Variants in BCAS3 observed in about 807,000 individuals in gnomAD.
BCAS3 encodes the protein BCAS3 microtubule associated cell migration factor.
Under a neutral mutation model 116.1 loss-of-function variants are expected in BCAS3, and 53 were observed. That is an observed-to-expected ratio of 0.46 (90% confidence interval 0.37 to 0.57). The LOEUF is 0.57. Among genes scored for constraint, BCAS3 ranks in the 20% least tolerant of loss-of-function variants. BCAS3 has a pLI of 0.00. For missense variants in BCAS3, 917 were observed against 1,165.4 expected (o/e 0.79, Z 3.10); for synonymous variants, 391 against 408.2 (o/e 0.96, Z 0.51).
chr17:61,182,024 C>T (rs1177210493), intron 22 of BCAS3, among the ~76,000 whole-genome samples: 1 of 151,978 alleles, frequency 6.6e-6, no homozygotes, highest in African/African-American at 2.4e-5. Context: ...CAGGTGTGCA[C>T]CACTACACCT....
chr17:61,199,154 C>T lies in BCAS3; in HGVS notation c.2425+114590C>T, dbSNP rs1568559747. ...TTCCAATCCTTAATACATTTGTGGT[C>T]TTACTGGGATATGCCAGGAAGAAAT... On this transcript the variant is annotated intron_variant, in intron 22 of 23. Transcript: ENST00000407086. The surrounding 1 kb of genome is among the most constrained non-coding windows in gnomAD (Gnocchi z 4.6). 2.0e-5 allele frequency among the ~76,000 whole-genome samples: 3 copies of T among 152,150 alleles called. No individual in the cohort carries two copies. The highest frequency in any genetic ancestry group is 4.1e-4 in the South Asian group (2 of 4,824).
At chr17:61,329,098 G>T (rs2055992499) in intron 22 of BCAS3, among the ~76,000 whole-genome samples, 1 of 151,242 alleles carries the variant, frequency 6.6e-6, no homozygotes, top group African/African-American at 2.4e-5. Context: ...GTTTCACCAT[G>T]TTGGCCAGGC....
In BCAS3 at chr17:61,368,421, G is replaced by A. The variant is rs2058855293; in HGVS notation, c.2520G>A (p.Glu840=). Residue 840 remains glutamate, a synonymous_variant, in exon 23 of 24, where the codon GAG becomes GAA. Coordinates refer to ENST00000407086, the MANE Select transcript of BCAS3 (RefSeq NM_017679.5). This position sits in a 1 kb window ranked among gnomAD's most constrained non-coding sequence, Gnocchi z 6.0. ...LRHMSSMEHT[E]EGLRERLADA... is the part of the protein sequence containing the mutation. ...ACATGTCCTCCATGGAGCACACGGA[G>A]GAGGGCCTCCGGGAGCGACTTGCCG... 1 of 1,612,952 alleles carries A rather than the reference G, an allele frequency of 6.2e-7. No individual in the cohort carries two copies.
chr17:60,977,608 C>T (rs1209652735), intron 14 of BCAS3, among the ~76,000 whole-genome samples: 7 of 151,556 alleles, frequency 4.6e-5, no homozygotes, highest in Non-Finnish European at 7.4e-5. Context: ...CCCACTAACT[C>T]GTCATCTAGC....
At position 61,380,854 on chromosome 17, in the gene BCAS3, G is replaced by C. The variant is rs1292290765; in HGVS notation, c.2594-11123G>C. On this transcript the variant is annotated intron_variant, in intron 23 of 23. Coordinates refer to ENST00000407086, the MANE Select transcript of BCAS3 (RefSeq NM_017679.5). The surrounding 1 kb of genome is among the most constrained non-coding windows in gnomAD (Gnocchi z 4.2). ...CGGACTCTGCTGTGCAGAGCAGGGAGGTCACTAGGCTCTAATGCATTTACC... is the reference window on the plus strand; with the variant it reads ...CGGACTCTGCTGTGCAGAGCAGGGACGTCACTAGGCTCTAATGCATTTACC... Among the ~76,000 whole-genome samples the C allele has an allele frequency of 6.6e-6, 1 of 152,234 alleles. No individual in the cohort carries two copies. Among genetic ancestry groups the C allele is most frequent in the Admixed American group, 6.5e-5 (1 of 15,286 alleles).
intron 23 of BCAS3, among the ~76,000 whole-genome samples, chr17:61,385,426 C>G (rs2059798151): frequency 6.6e-6 from 1 of 152,232 alleles, no homozygotes; most frequent in Admixed American, 6.5e-5. Flanking sequence ...GGGGCAGACC[C>G]CATATGGTTC....
Position 61,224,861 on chromosome 17 carries a change from CCA to C in BCAS3, c.2425+140300_2425+140301del. Among the ~76,000 whole-genome samples the C allele has an allele frequency of 6.6e-6, 1 of 152,330 alleles. No individual in the cohort carries two copies. The highest frequency in any genetic ancestry group is 1.9e-4 in the East Asian group (1 of 5,186). ...TAGCCATATTTCAAGTGCTCAGTAG[CCA>C]CATGTTGCTAGTGGCTACCATATTG... On this transcript the variant is annotated intron_variant, in intron 22 of 23. Transcript: ENST00000407086. This position sits in a 1 kb window ranked among gnomAD's most constrained non-coding sequence, Gnocchi z 5.7.
chr17:60,836,768 G>A (rs928358090), intron 7 of BCAS3, among the ~76,000 whole-genome samples: 1 of 152,088 alleles, frequency 6.6e-6, no homozygotes, highest in Non-Finnish European at 1.5e-5. Flanking sequence ...TTTGAGGCAA[G>A]CAGAAAAAGT....
chr17:61,113,598 A>C (rs1273579316), intron 22 of BCAS3, among the ~76,000 whole-genome samples: 1 of 7,386 alleles, frequency 1.4e-4, no homozygotes, highest in African/African-American at 1.4e-4. Flanking sequence ...AATAATCAAT[A>C]GTTTACCAAC....
At chr17:61,272,588 G>A (rs550306587) in intron 22 of BCAS3, among the ~76,000 whole-genome samples, 34 of 138,626 alleles carry the variant, frequency 2.5e-4, no homozygotes, top group African/African-American at 7.1e-4. Flanking sequence ...GCAGTGAGCC[G>A]GGAGTGCACC....
chr17:60,829,509 G>A (rs962463479), intron 7 of BCAS3, among the ~76,000 whole-genome samples: 2 of 140,586 alleles, frequency 1.4e-5, no homozygotes, highest in Non-Finnish European at 1.5e-5. Flanking sequence ...AAAAAAAAAA[G>A]TAGAGAAGGT....
Position 61,180,531 on chromosome 17 carries a change from A to T in BCAS3, c.2425+95967A>T, listed in dbSNP as rs756927275. On this transcript the variant is annotated intron_variant, in intron 22 of 23. Transcript: ENST00000407086. The surrounding 1 kb of genome is among the most constrained non-coding windows in gnomAD (Gnocchi z 6.0). Reference sequence around the variant, plus strand: ...CCTCAGGGTAAGTAGTAGACTGCACATCCAGACTTGACCGTCAGGTCACCT... The same window carrying T: ...CCTCAGGGTAAGTAGTAGACTGCACTTCCAGACTTGACCGTCAGGTCACCT... Among the ~76,000 whole-genome samples, 8 of 152,254 alleles carry T rather than the reference A, an allele frequency of 5.3e-5. No homozygotes were observed. Among genetic ancestry groups the T allele is most frequent in the Non-Finnish European group, 1.0e-4 (7 of 68,034 alleles).
At chr17:61,373,915 A>G (rs1318500656) in intron 23 of BCAS3, among the ~76,000 whole-genome samples, 3 of 139,880 alleles carry the variant, frequency 2.1e-5, no homozygotes, top group Non-Finnish European at 4.5e-5. Context: ...CGCATGCCTC[A>G]GCCTCCTCTC....
intron 6 of BCAS3, among the ~76,000 whole-genome samples, chr17:60,766,736 G>A (rs1000282346): frequency 2.6e-5 from 4 of 152,202 alleles, no homozygotes; most frequent in South Asian, 4.1e-4. Flanking sequence ...GAGAGCTGTC[G>A]GGCAGGGACG....
intron 22 of BCAS3, among the ~76,000 whole-genome samples, chr17:61,273,659 ACCCT>A (rs1349004372): frequency 1.1e-4 from 16 of 147,692 alleles, no homozygotes; most frequent in African/African-American, 4.0e-4. Context: ...TTAATGCCTG[ACCCT>A]CCCTCTAAGA....
In BCAS3 at chr17:61,147,365, C is replaced by T. The variant is rs560851005; in HGVS notation, c.2425+62801C>T. ...TGCTGGGATTACAGGCATGATCCAC[C>T]GCACCCGGCCATACCTGGCTAATTT... is the stretch of plus-strand genomic sequence containing the variant. On this transcript the variant is annotated intron_variant, in intron 22 of 23. Transcript: ENST00000407086. Among the ~76,000 whole-genome samples, 9 of 151,966 alleles carry T rather than the reference C, an allele frequency of 5.9e-5. No individual in the cohort carries two copies. In the South Asian group the frequency reaches 1.0e-3, roughly 18 times the overall value.
chr17:61,330,733 G>A (rs747429981), intron 22 of BCAS3, among the ~76,000 whole-genome samples: 34 of 152,190 alleles, frequency 2.2e-4, no homozygotes, highest in Non-Finnish European at 4.6e-4. Flanking sequence ...AGAGGACTCC[G>A]GCAGCAATGG....
intron 6 of BCAS3, among the ~76,000 whole-genome samples, chr17:60,802,371 CATAT>C (rs533515914): frequency 1.2e-4 from 13 of 111,932 alleles, no homozygotes; most frequent in South Asian, 4.5e-4. Flanking sequence ...TACATACATA[CATAT>C]ATATATATAT....
chr17:61,088,633 G>T lies in BCAS3; in HGVS notation c.2425+4069G>T, dbSNP rs564465356. Among the ~76,000 whole-genome samples the T allele has an allele frequency of 1.3e-5, 2 of 152,170 alleles. No homozygotes were observed. The highest frequency in any genetic ancestry group is 2.9e-5 in the Non-Finnish European group (2 of 68,032). On this transcript the variant is annotated intron_variant, in intron 22 of 23. Transcript: ENST00000407086. The surrounding 1 kb of genome is among the most constrained non-coding windows in gnomAD (Gnocchi z 4.2). ...ACTATTCTTGTTCCAAAACTTGAAGGCTATACCTAATAGATAACCTTTCCT... is the reference window on the plus strand; with the variant it reads ...ACTATTCTTGTTCCAAAACTTGAAGTCTATACCTAATAGATAACCTTTCCT...
Sources: gnomAD v4.1 joint callset for allele counts (sites outside exome capture counted in the v4.1 genomes callset) on GRCh38, gnomAD v4.1.1 for gene constraint, Gnocchi (gnomAD v3.1) non-coding constraint, MANE v1.5 for transcripts, NCBI Gene and HGNC (gene_info 2026-07-23, HGNC 2026-07-21) for gene names.